The following PCNX1 variants were observed in gnomAD, a reference collection of about 807,000 sequenced individuals.
PCNX1 encodes the protein pecanex 1.
In PCNX1, 78 loss-of-function variants were observed where a neutral mutation model predicts 242.2. The ratio of observed to expected loss-of-function variants is 0.32; its 90% CI spans 0.27 to 0.39. The LOEUF is 0.39. Ranked by LOEUF, PCNX1 falls within the 10% of genes least tolerant of loss-of-function variation. The pLI is 1.00. For missense variants in PCNX1, 2,581 were observed against 2,856.5 expected, an observed-to-expected ratio of 0.90 and a Z score of 2.20; for synonymous variants, 1,024 against 1,032.9, an observed-to-expected ratio of 0.99 and a Z score of 0.17.
chr14:70,926,240 G>A (rs2056586791), intron 1 of PCNX1, among the ~76,000 whole-genome samples: 1 of 152,056 alleles, frequency 6.6e-6, no homozygotes, highest in Non-Finnish European at 1.5e-5. Flanking sequence ...CATTATAAAT[G>A]GATTTCATTA....
intron 1 of PCNX1, among the ~76,000 whole-genome samples, chr14:70,942,559 C>CCAATT (rs1300891044): frequency 6.6e-6 from 1 of 152,128 alleles, no homozygotes; most frequent in Non-Finnish European, 1.5e-5. Context: ...TGGGTATCCT[C>CCAATT]CAATTCAATT....
chr14:70,943,727 A>G (rs970973053), intron 1 of PCNX1, among the ~76,000 whole-genome samples: 2 of 152,180 alleles, frequency 1.3e-5, no homozygotes, highest in Non-Finnish European at 2.9e-5. Flanking sequence ...AGAGGTCTTC[A>G]CGGCAGCCCC....
chr14:71,065,708 TATTGTC>T (rs1382363172), intron 26 of PCNX1, among the ~76,000 whole-genome samples: 1 of 152,206 alleles, frequency 6.6e-6, no homozygotes, highest in Admixed American at 6.5e-5. Flanking sequence ...TCCTGAATGG[TATTGTC>T]TAGCTTTTCT....
intron 5 of PCNX1, among the ~76,000 whole-genome samples, chr14:70,976,529 C>T (rs1173663617): frequency 2.6e-5 from 4 of 152,022 alleles, no homozygotes; most frequent in Non-Finnish European, 2.9e-5. Context: ...CTCGCCACCA[C>T]GCCCGGCTAA....
chr14:71,058,292 A>G (rs1475427719), intron 26 of PCNX1, among the ~76,000 whole-genome samples: 2 of 152,186 alleles, frequency 1.3e-5, no homozygotes, highest in Admixed American at 6.5e-5. Flanking sequence ...AAAACGGTGT[A>G]CCCATTAAGT....
chr14:70,918,496 C>T (rs2140066097), intron 1 of PCNX1, among the ~76,000 whole-genome samples: 1 of 152,260 alleles, frequency 6.6e-6, no homozygotes, highest in East Asian at 1.9e-4. Flanking sequence ...TTACAGATCA[C>T]TGTAACAGAT....
At chr14:70,925,431 T>G (rs1460843602) in intron 1 of PCNX1, among the ~76,000 whole-genome samples, 1 of 152,236 alleles carries the variant, frequency 6.6e-6, no homozygotes, top group Admixed American at 6.5e-5. Context: ...GCATACTGTT[T>G]TTGTTTGAAA....
chr14:70,921,026 T>C (rs1041655082), intron 1 of PCNX1, among the ~76,000 whole-genome samples: 5 of 152,200 alleles, frequency 3.3e-5, no homozygotes, highest in Admixed American at 2.6e-4. Flanking sequence ...ATGTAGTGTT[T>C]TGCTCTGCTT....
At chr14:71,100,351 A>G (rs772328643) in intron 30 of PCNX1, among the ~76,000 whole-genome samples, 1 of 152,178 alleles carries the variant, frequency 6.6e-6, no homozygotes, top group Non-Finnish European at 1.5e-5. Context: ...TCTTTCACTT[A>G]TGAAGCTTAG....
intron 21 of PCNX1, 127 bp from the exon 22 acceptor site, chr14:71,047,680 T>G (rs1447224149): frequency 1.9e-5 from 13 of 695,726 alleles, no homozygotes; most frequent in South Asian, 1.4e-4. Flanking sequence ...TATACATCAT[T>G]TTTGGAAGCT....
chr14:71,101,173 G>T (rs1448102423), intron 30 of PCNX1, among the ~76,000 whole-genome samples: 1 of 152,048 alleles, frequency 6.6e-6, no homozygotes, highest in African/African-American at 2.4e-5. Flanking sequence ...ACTTTACTGG[G>T]ATACAGAAAT....
chr14:70,990,264 A>T (rs538184421), intron 7 of PCNX1, among the ~76,000 whole-genome samples: 1 of 152,164 alleles, frequency 6.6e-6, no homozygotes, highest in South Asian at 2.1e-4. Flanking sequence ...AAATTAAAAA[A>T]AAATAATAAT....
chr14:70,948,411 T>C (rs1171862353), intron 2 of PCNX1, among the ~76,000 whole-genome samples: 1 of 152,040 alleles, frequency 6.6e-6, no homozygotes, highest in African/African-American at 2.4e-5. Flanking sequence ...AGAACCTACG[T>C]TGAAATATTG....
Position 70,908,987 on chromosome 14 carries a change from G to A in PCNX1, c.153+984G>A, listed in dbSNP as rs141983756. Among the ~76,000 whole-genome samples, 358 of 152,320 alleles carry A rather than the reference G, an allele frequency of 2.4e-3. 1 individual carries two copies. Among genetic ancestry groups the A allele is most frequent in the African/African-American group, 8.1e-3 (335 of 41,568 alleles). On this transcript the variant is annotated intron_variant, in intron 1 of 35. Coordinates refer to ENST00000304743, the MANE Select transcript of PCNX1 (RefSeq NM_014982.3). ...TATAAAATTTTAAAGTAGTCAGAGG[G>A]GAGGAAAGGATCTGAACTTTTTATT... is the stretch of plus-strand genomic sequence containing the variant.
chr14:70,988,776 G>A, intron 7 of PCNX1, 77 bp downstream of exon 7: 1 of 1,479,844 alleles, frequency 6.8e-7, no homozygotes, highest in Non-Finnish European at 9.2e-7. Flanking sequence ...TCCCAAGAAA[G>A]CATTTGAAGA....
chr14:70,949,045 T>C (rs2057608601), intron 2 of PCNX1, among the ~76,000 whole-genome samples: 1 of 149,140 alleles, frequency 6.7e-6, no homozygotes, highest in South Asian at 2.1e-4. Context: ...TATACACATG[T>C]ATATATAGAT....
In PCNX1 at chr14:71,109,765, C is replaced by G. The variant is rs770845222; in HGVS notation, c.6886-30C>G. The G allele has an allele frequency of 3.7e-6, 6 of 1,611,900 alleles. No homozygotes were observed. The East Asian group carries it at 8.9e-5, about 24-fold the overall frequency. Reference sequence around the variant, plus strand: ...GTGAGTATATTCCAGGTCTCCAGTGCTAACTTCTTGTTTTATTCTGAATCA... The same window carrying G: ...GTGAGTATATTCCAGGTCTCCAGTGGTAACTTCTTGTTTTATTCTGAATCA... On this transcript the variant is annotated intron_variant, in intron 35 of 35. Coordinates refer to ENST00000304743, the MANE Select transcript of PCNX1 (RefSeq NM_014982.3).
chr14:70,918,614 G>C (rs1206692187), intron 1 of PCNX1, among the ~76,000 whole-genome samples: 1 of 152,224 alleles, frequency 6.6e-6, no homozygotes, highest in Admixed American at 6.5e-5. Flanking sequence ...ATGCTCCACA[G>C]AGGTGTCACA....
At chr14:70,966,927 T>C (rs989041341) in intron 3 of PCNX1, among the ~76,000 whole-genome samples, 4 of 152,250 alleles carry the variant, frequency 2.6e-5, no homozygotes, top group African/African-American at 9.6e-5. Context: ...TTTTTCTTGC[T>C]GGCAAATTGC....
Sources: allele counts gnomAD v4.1 joint callset (sites outside exome capture counted in the v4.1 genomes callset), GRCh38; gene constraint gnomAD v4.1.1; transcripts MANE v1.5; gene names NCBI Gene and HGNC (gene_info 2026-07-23, HGNC 2026-07-21).